CYRIA: variants seen among roughly 807,000 people sequenced by gnomAD.
The protein encoded by CYRIA is CYFIP-related Rac1 interactor A.
In CYRIA, 15 loss-of-function variants were observed where a neutral mutation model predicts 43.9. That is an observed-to-expected ratio of 0.34 (90% CI 0.23 to 0.53). The LOEUF (loss-of-function observed/expected upper bound fraction) is 0.53, where lower values mean the gene tolerates loss of function less well. Among genes scored for constraint, CYRIA ranks in the 20% least tolerant of loss-of-function variants. The probability of loss-of-function intolerance (pLI) is 0.94; values close to 1 mark genes in which losing one functional copy is unlikely to be tolerated. For synonymous variants in CYRIA, 117 were observed against 136.0 expected (o/e 0.86, Z 0.97); for missense variants, 236 against 394.2 (o/e 0.60, Z 3.40).
At chr2:16,562,449 T>C (rs1303725013) in intron 5 of CYRIA, among the ~76,000 whole-genome samples, 1 of 152,184 alleles carries the variant, frequency 6.6e-6, no homozygotes, top group African/African-American at 2.4e-5. Flanking sequence ...ATATGTGTTT[T>C]TGGGTCATGT....
At chr2:16,611,598 C>T (rs928589251) in intron 2 of CYRIA, among the ~76,000 whole-genome samples, 1 of 152,120 alleles carries the variant, frequency 6.6e-6, no homozygotes, top group Non-Finnish European at 1.5e-5. Flanking sequence ...CTCATCTGGA[C>T]TAGAATAGTC....
intron 3 of CYRIA, among the ~76,000 whole-genome samples, chr2:16,567,449 A>G (rs188561253): frequency 3.3e-5 from 5 of 152,246 alleles, no homozygotes; most frequent in Admixed American, 2.6e-4. Flanking sequence ...AAAAAACAAA[A>G]GACAGAATTC....
At chr2:16,638,323 G>A (rs1461027342) in intron 1 of CYRIA, among the ~76,000 whole-genome samples, 1 of 152,162 alleles carries the variant, frequency 6.6e-6, no homozygotes, top group Non-Finnish European at 1.5e-5. Flanking sequence ...AGGAAATGAC[G>A]ATTAAGTACA....
At chr2:16,569,923 G>A (rs1289941295) in intron 3 of CYRIA, among the ~76,000 whole-genome samples, 1 of 152,134 alleles carries the variant, frequency 6.6e-6, no homozygotes, top group East Asian at 1.9e-4. Flanking sequence ...TGAACAAACA[G>A]TTGAACAATT....
intron 1 of CYRIA, among the ~76,000 whole-genome samples, chr2:16,643,895 A>G (rs1453417081): frequency 6.6e-6 from 1 of 152,260 alleles, no homozygotes; most frequent in African/African-American, 2.4e-5. Flanking sequence ...CAGAAAATGC[A>G]TTAACCATCA....
chr2:16,624,485 G>A (rs180812548), intron 1 of CYRIA, among the ~76,000 whole-genome samples: 1 of 152,290 alleles, frequency 6.6e-6, no homozygotes, highest in Non-Finnish European at 1.5e-5. Context: ...GCATGTGGTT[G>A]GGATGGTTCT....
rs922125222 is a variant in CYRIA, at chr2:16,560,891, G to A, written c.710+99C>T. 4 of 1,040,896 alleles carry A rather than the reference G, an allele frequency of 3.8e-6. No individual in the cohort carries two copies. In the African/African-American group the frequency reaches 4.7e-5, roughly 12 times the overall value. The allele number at this position is 1,040,896 out of a possible 1,614,324, so 64.5% of individuals were successfully genotyped here. ...GCAGATAATATACATGAAAACTTTA[G>A]GGTGTTGACCCAAATGTTACATATC... On this transcript the variant is annotated intron_variant, in intron 9 of 11. Transcript: ENST00000381323.
chr2:16,632,783 C>T (rs1243546843), intron 1 of CYRIA, among the ~76,000 whole-genome samples: 3 of 152,094 alleles, frequency 2.0e-5, no homozygotes, highest in Non-Finnish European at 4.4e-5. Context: ...TCCCTGGCCT[C>T]GGCAGACAAA....
intron 2 of CYRIA, among the ~76,000 whole-genome samples, chr2:16,610,704 A>T (rs1163208019): frequency 1.3e-5 from 2 of 151,822 alleles, no homozygotes; most frequent in African/African-American, 4.8e-5. Context: ...AACTTCTGTA[A>T]AGTTCCTAGA....
intron 1 of CYRIA, among the ~76,000 whole-genome samples, chr2:16,626,198 C>T (rs927274151): frequency 2.6e-5 from 4 of 152,122 alleles, no homozygotes; most frequent in Non-Finnish European, 4.4e-5. Flanking sequence ...TATTCATAGA[C>T]CCCTGATGGG....
intron 1 of CYRIA, among the ~76,000 whole-genome samples, chr2:16,627,203 T>A (rs1201770064): frequency 6.6e-6 from 1 of 152,094 alleles, no homozygotes; most frequent in Non-Finnish European, 1.5e-5. Context: ...GCACAACAAC[T>A]GAAGGGAAGG....
chr2:16,582,812 C>T (rs918892315), intron 3 of CYRIA, among the ~76,000 whole-genome samples: 2 of 152,180 alleles, frequency 1.3e-5, no homozygotes, highest in Non-Finnish European at 2.9e-5. Context: ...AATAATGCTG[C>T]TATGAACATT....
chr2:16,589,892 G>T (rs1291281621), intron 2 of CYRIA, among the ~76,000 whole-genome samples: 1 of 152,044 alleles, frequency 6.6e-6, no homozygotes, highest in Non-Finnish European at 1.5e-5. Flanking sequence ...TGAATATTAA[G>T]TCACTTGCCT....
At chr2:16,651,133 A>C (rs1187555484) in intron 1 of CYRIA, among the ~76,000 whole-genome samples, 1 of 152,094 alleles carries the variant, frequency 6.6e-6, no homozygotes, top group Non-Finnish European at 1.5e-5. Context: ...GGGGTCTGGG[A>C]GGGTTGGCAC....
At position 16,564,076 on chromosome 2, in the gene CYRIA, C is replaced by T. The variant is rs1666843499; in HGVS notation, c.211G>A (p.Asp71Asn). 1 of 1,613,338 alleles carries T rather than the reference C, an allele frequency of 6.2e-7. No individual in the cohort carries two copies. The highest frequency in any genetic ancestry group is 1.3e-5 in the African/African-American group (1 of 74,872). The stretch of plus-strand genomic sequence containing the variant: ...CAAGCTTTTTCTTGAAGCTGAATGT[C>T]ATTGGGATTTTGAATTGCCTGCAAA... ...EIRDAIQNPN[D>N]IQLQEKAWNA... Residue 71 changes from aspartate (D) to asparagine (N), a missense_variant, in exon 5 of 12, where the codon GAC becomes AAC. Coordinates refer to ENST00000381323, the MANE Select transcript of CYRIA (RefSeq NM_030797.4).
chr2:16,567,240 C>T (rs1244891260), intron 3 of CYRIA, among the ~76,000 whole-genome samples: 1 of 152,024 alleles, frequency 6.6e-6, no homozygotes, highest in East Asian at 1.9e-4. Context: ...CCCGTCTCTA[C>T]TAAAAATACA....
Position 16,559,167 on chromosome 2 carries a change from G to A in CYRIA, c.837+293C>T, listed in dbSNP as rs112814336. ...AACCATCTATTTGTACAGCACACTG[G>A]GTAAATGAAGGGACTGCATGCAACT... On this transcript the variant is annotated intron_variant, in intron 10 of 11. Coordinates refer to ENST00000381323, the MANE Select transcript of CYRIA (RefSeq NM_030797.4). Among the ~76,000 whole-genome samples the A allele has an allele frequency of 4.8e-3, 738 of 152,240 alleles. 8 individuals are homozygous for A. The highest frequency in any genetic ancestry group is 0.016 in the African/African-American group (662 of 41,526).
At chr2:16,617,525 T>TGAA (rs1211714596) in intron 2 of CYRIA, among the ~76,000 whole-genome samples, 1 of 152,240 alleles carries the variant, frequency 6.6e-6, no homozygotes, top group Non-Finnish European at 1.5e-5. Flanking sequence ...ACCAAGGAAC[T>TGAA]GAACATTGTA....
At chr2:16,629,506 T>C (rs1221278017) in intron 1 of CYRIA, among the ~76,000 whole-genome samples, 1 of 152,204 alleles carries the variant, frequency 6.6e-6, no homozygotes, top group Non-Finnish European at 1.5e-5. Context: ...CATTTGTCTG[T>C]TCTCTGAAGA....
Sources: allele counts gnomAD v4.1 joint callset (sites outside exome capture counted in the v4.1 genomes callset), GRCh38; gene constraint gnomAD v4.1.1; transcripts MANE v1.5; gene names NCBI Gene and HGNC (gene_info 2026-07-23, HGNC 2026-07-21).